Variants in GRIP1 observed in about 807,000 individuals in gnomAD.
GRIP1 encodes glutamate receptor interacting protein 1, also known as glutamate receptor-interacting protein 1.
A neutral mutation model predicts 129.9 loss-of-function variants in GRIP1; 45 were observed. That is an observed-to-expected ratio of 0.35 (90% CI 0.27 to 0.44). GRIP1 has a LOEUF of 0.44. Ranked by LOEUF, GRIP1 falls within the 20% of genes least tolerant of loss-of-function variation. The pLI is 1.00. For synonymous variants in GRIP1, 530 were observed against 520.8 expected (o/e 1.02, Z -0.24); for missense variants, 1,196 against 1,396.8 (o/e 0.86, Z 2.29).
intron 1 of GRIP1, among the ~76,000 whole-genome samples, chr12:66,937,807 A>G (rs1301327299): frequency 6.6e-6 from 1 of 152,182 alleles, no homozygotes; most frequent in Non-Finnish European, 1.5e-5. Context: ...AATTGACAAA[A>G]GTGAAAAATT....
intron 1 of GRIP1, among the ~76,000 whole-genome samples, chr12:67,011,307 C>CA (rs1166478417): frequency 1.3e-5 from 2 of 152,112 alleles, no homozygotes; most frequent in African/African-American, 4.8e-5. Flanking sequence ...ACCAGTCCAC[C>CA]AAATAGCTAA....
At chr12:66,422,542 T>C (rs1185305143) in intron 14 of GRIP1, among the ~76,000 whole-genome samples, 2 of 152,044 alleles carry the variant, frequency 1.3e-5, no homozygotes, top group African/African-American at 2.4e-5. Flanking sequence ...TGCCAAGCTG[T>C]AGTAACCATC....
At chr12:66,367,142 A>T (rs1027400) in intron 23 of GRIP1, among the ~76,000 whole-genome samples, 76,549 of 151,828 alleles carry the variant, frequency 0.5, 19,867 homozygotes, top group East Asian at 0.75. Flanking sequence ...TCAGAAGGGA[A>T]AGAAGGGTTA....
intron 1 of GRIP1, among the ~76,000 whole-genome samples, chr12:67,055,099 C>T (rs988729266): frequency 6.6e-6 from 1 of 152,186 alleles, no homozygotes; most frequent in Non-Finnish European, 1.5e-5. Context: ...GGAGTTAATA[C>T]AGGCAAATCT....
intron 11 of GRIP1, among the ~76,000 whole-genome samples, chr12:66,450,106 C>T (rs2058737833): frequency 6.6e-6 from 1 of 151,682 alleles, no homozygotes; most frequent in South Asian, 2.1e-4. Flanking sequence ...TGAGACCATC[C>T]TGACTAACAG....
intron 1 of GRIP1, among the ~76,000 whole-genome samples, chr12:67,044,286 C>T (rs2043221830): frequency 6.6e-6 from 1 of 152,038 alleles, no homozygotes; most frequent in Non-Finnish European, 1.5e-5. Context: ...GAACTTTTTC[C>T]CCTAAATTTA....
rs539815525 is a variant in GRIP1 at position 66,516,133 on chromosome 12, G to A, written c.579-369C>T. 3.9e-5 allele frequency among the ~76,000 whole-genome samples: 6 copies of A among 152,258 alleles called. No individual in the cohort carries two copies. In the South Asian group the frequency reaches 1.2e-3, roughly 32 times the overall value. On this transcript the variant is annotated intron_variant, in intron 6 of 24. Transcript: ENST00000359742. The stretch of plus-strand genomic sequence containing the variant: ...TATTCACCTATTTTCCCAAAGTCAG[G>A]TAAGCAGAAAAGCCTGCGAATTTCA...
chr12:66,445,326 C>G lies in GRIP1; in HGVS notation c.1537G>C (p.Glu513Gln). ...ISYIEADSPAERCGVLQIGDR... is the reference protein window; with the variant it reads ...ISYIEADSPAQRCGVLQIGDR... ...CTGTGAAAGAAAGTGTCTCACCTCT[C>G]TGCTGGGCTGTCAGCTTCGATATAG... Residue 513 changes from glutamate (E) to glutamine (Q), a missense_variant, in exon 12 of 25, where the codon GAG (glutamate) becomes CAG (glutamine). Physicochemically the swap from Glu to Gln is conservative, Grantham distance 29. Transcript: ENST00000359742. 1 of 1,613,886 alleles carries G rather than the reference C, an allele frequency of 6.2e-7. No homozygotes were observed. The highest frequency in any genetic ancestry group is 1.1e-5 in the South Asian group (1 of 91,068).
chr12:66,528,726 CTG>C (rs1237845098), intron 5 of GRIP1, among the ~76,000 whole-genome samples: 1 of 152,124 alleles, frequency 6.6e-6, no homozygotes, highest in East Asian at 1.9e-4. Context: ...TATAGGATGA[CTG>C]AATTGACAAG....
chr12:66,553,531 T>C (rs558185534), intron 2 of GRIP1, among the ~76,000 whole-genome samples: 2 of 151,718 alleles, frequency 1.3e-5, no homozygotes, highest in South Asian at 2.1e-4. Context: ...CCTCCACTGA[T>C]CATCCTCCCT....
intron 9 of GRIP1, among the ~76,000 whole-genome samples, chr12:66,457,344 T>G (rs963176796): frequency 6.6e-6 from 1 of 152,236 alleles, no homozygotes; most frequent in Non-Finnish European, 1.5e-5. Context: ...CATAGCTCAC[T>G]GTAATCTTGA....
chr12:67,060,517 T>C (rs919008187), intron 1 of GRIP1, among the ~76,000 whole-genome samples: 1 of 152,128 alleles, frequency 6.6e-6, no homozygotes, highest in Non-Finnish European at 1.5e-5. Flanking sequence ...ATTTAAGTAG[T>C]ATAATAAAAA....
At chr12:66,772,100 G>T (rs1421242264) in intron 1 of GRIP1, among the ~76,000 whole-genome samples, 2 of 152,168 alleles carry the variant, frequency 1.3e-5, no homozygotes, top group Non-Finnish European at 2.9e-5. Flanking sequence ...CATGAGATAG[G>T]TAAGATATCA....
chr12:66,445,509 C>A lies in GRIP1; in HGVS notation c.1355-1G>T. On this transcript the variant is annotated splice_acceptor_variant, in intron 11 of 24. Coordinates refer to ENST00000359742, the MANE Select transcript of GRIP1 (RefSeq NM_001366722.1). LOFTEE classifies it high-confidence loss of function. ...CCTACTGTGCTGGAGGCTAAGGACACTAGAGGAACAAACAGAAAATACTGA... is the reference window on the plus strand; with the variant it reads ...CCTACTGTGCTGGAGGCTAAGGACAATAGAGGAACAAACAGAAAATACTGA... 2 of 1,608,394 alleles carry A rather than the reference C, an allele frequency of 1.2e-6. No homozygotes were observed. The highest frequency in any genetic ancestry group is 1.7e-6 in the Non-Finnish European group (2 of 1,176,528).
At chr12:66,571,781 G>A (rs183913542) in intron 2 of GRIP1, among the ~76,000 whole-genome samples, 64 of 152,216 alleles carry the variant, frequency 4.2e-4, no homozygotes, top group Middle Eastern at 6.8e-3. Context: ...ATGCTTCATG[G>A]TTATTGTATT....
intron 1 of GRIP1, among the ~76,000 whole-genome samples, chr12:66,797,837 T>C (rs1301523775): frequency 6.6e-6 from 1 of 152,152 alleles, no homozygotes; most frequent in Non-Finnish European, 1.5e-5. Context: ...CAGTCCAGAA[T>C]GGTTTCTCCA....
chr12:66,420,923 A>T (rs537788309), intron 14 of GRIP1, 134 bp from the exon 15 acceptor site: 1 of 662,180 alleles, frequency 1.5e-6, no homozygotes, highest in Non-Finnish European at 2.7e-6. Context: ...CAAATGAATT[A>T]GGAAGTATGC....
intron 1 of GRIP1, among the ~76,000 whole-genome samples, chr12:66,846,100 C>A (rs1290272511): frequency 2.6e-5 from 4 of 152,184 alleles, no homozygotes; most frequent in African/African-American, 9.6e-5. Context: ...AAGAAGTATT[C>A]CTCATCAAGA....
intron 1 of GRIP1, among the ~76,000 whole-genome samples, chr12:66,818,594 T>C (rs1182006912): frequency 6.6e-6 from 1 of 152,220 alleles, no homozygotes; most frequent in Non-Finnish European, 1.5e-5. Context: ...TCATAGTACT[T>C]TGGTATGCAA....
Sources: allele counts gnomAD v4.1 joint callset (sites outside exome capture counted in the v4.1 genomes callset), GRCh38; gene constraint gnomAD v4.1.1; transcripts MANE v1.5; gene names NCBI Gene and HGNC (gene_info 2026-07-23, HGNC 2026-07-21).